SLC16A7: variants seen among roughly 807,000 people sequenced by gnomAD.
SLC16A7 encodes solute carrier family 16 member 7, also known as monocarboxylate transporter 2.
A neutral mutation model predicts 34.9 loss-of-function variants in SLC16A7; 33 were observed. That is an observed-to-expected ratio of 0.94 (90% CI 0.72 to 1.26). The LOEUF is 1.26. Ranked by LOEUF, SLC16A7 falls within the 50% of genes most tolerant of loss-of-function variation. The pLI, the probability that SLC16A7 is intolerant of heterozygous loss-of-function variation, is 0.00. For synonymous variants in SLC16A7, 201 were observed against 206.6 expected (o/e 0.97, Z 0.23); for missense variants, 573 against 578.1 (o/e 0.99, Z 0.09).
intron 2 of SLC16A7, among the ~76,000 whole-genome samples, chr12:59,659,521 G>A (rs971260203): frequency 2.0e-5 from 3 of 151,940 alleles, no homozygotes; most frequent in Non-Finnish European, 2.9e-5. Flanking sequence ...ATAATATAAT[G>A]GGTTTTGTAG....
At chr12:59,711,840 G>A (rs1363972212) in intron 3 of SLC16A7, among the ~76,000 whole-genome samples, 2 of 152,182 alleles carry the variant, frequency 1.3e-5, no homozygotes, top group African/African-American at 4.8e-5. Context: ...GGTGCCTAGA[G>A]TGGAACATAG....
chr12:59,620,119 T>C (rs558647686), intron 1 of SLC16A7, among the ~76,000 whole-genome samples: 2 of 152,054 alleles, frequency 1.3e-5, no homozygotes, highest in Admixed American at 1.3e-4. Context: ...CTGAGTTCTG[T>C]GTTGATACTG....
chr12:59,751,391 C>T (rs1394089895), intron 3 of SLC16A7, among the ~76,000 whole-genome samples: 1 of 152,224 alleles, frequency 6.6e-6, no homozygotes, highest in Non-Finnish European at 1.5e-5. Flanking sequence ...AATCGGGTCA[C>T]TCCCACCCCA....
chr12:59,702,123 T>C (rs1473490328), intron 2 of SLC16A7, among the ~76,000 whole-genome samples: 2 of 151,890 alleles, frequency 1.3e-5, no homozygotes, highest in Non-Finnish European at 2.9e-5. Flanking sequence ...CTTTAAAATA[T>C]AGTAATAAAA....
intron 2 of SLC16A7, among the ~76,000 whole-genome samples, chr12:59,657,726 C>A (rs139296616): frequency 2.6e-4 from 40 of 151,980 alleles, no homozygotes; most frequent in African/African-American, 9.2e-4. Flanking sequence ...TTAATTAATT[C>A]GACCAACATG....
At chr12:59,648,214 C>T (rs1279092075) in intron 1 of SLC16A7, among the ~76,000 whole-genome samples, 1 of 152,050 alleles carries the variant, frequency 6.6e-6, no homozygotes, top group African/African-American at 2.4e-5. Flanking sequence ...GCCTTGGGGT[C>T]CTGCTGAAAT....
intron 3 of SLC16A7, among the ~76,000 whole-genome samples, chr12:59,751,625 C>T (rs1879575686): frequency 6.6e-6 from 1 of 152,210 alleles, no homozygotes; most frequent in South Asian, 2.1e-4. Context: ...TGGAGCCCAC[C>T]ACAGCTCAAG....
rs1254062340 is a variant in SLC16A7 at position 59,788,377 on chromosome 12, TGTA to T, written c.*8701_*8703del. On this transcript the variant is annotated 3_prime_UTR_variant, in exon 6 of 6. Transcript: ENST00000547379. Reference sequence around the variant, plus strand: ...TGATTTTTAAGTGAAAAAAATAAAATGTAGTTGTCTTGTTTATTCTATAGATAT... The same window carrying T: ...TGATTTTTAAGTGAAAAAAATAAAATGTTGTCTTGTTTATTCTATAGATAT... 6.6e-6 allele frequency: 1 copy of T among 152,022 alleles called. No individual in the cohort carries two copies. The highest frequency in any genetic ancestry group is 1.5e-5 in the Non-Finnish European group (1 of 67,978). 9.4% of individuals were successfully genotyped at this position (152,022 alleles called of 1,614,324 possible). A position where few individuals can be genotyped will look rare whatever the true frequency, so the allele number is the denominator to read the frequency against.
intron 1 of SLC16A7, among the ~76,000 whole-genome samples, chr12:59,650,606 A>T (rs755673509): frequency 6.6e-6 from 1 of 152,202 alleles, no homozygotes; most frequent in Non-Finnish European, 1.5e-5. Context: ...CTATGAGGTC[A>T]TACTTATACT....
intron 1 of SLC16A7, among the ~76,000 whole-genome samples, chr12:59,626,228 A>G (rs1163652913): frequency 1.4e-5 from 2 of 145,682 alleles, no homozygotes; most frequent in African/African-American, 5.0e-5. Flanking sequence ...TCCTCCTTTT[A>G]AGTCCCTGAG....
At chr12:59,603,956 A>G (rs1878813257) in intron 1 of SLC16A7, among the ~76,000 whole-genome samples, 1 of 152,208 alleles carries the variant, frequency 6.6e-6, no homozygotes, top group Admixed American at 6.5e-5. Context: ...TCCTGGGGCC[A>G]CATGAAATGA....
intron 3 of SLC16A7, among the ~76,000 whole-genome samples, chr12:59,717,545 A>G (rs10506398): frequency 0.27 from 41,501 of 152,024 alleles, 5,913 homozygotes; most frequent in East Asian, 0.36. Context: ...GGTATTCCTT[A>G]AATCGAACAT....
chr12:59,711,377 A>G (rs1180709842), intron 3 of SLC16A7, among the ~76,000 whole-genome samples: 5 of 152,222 alleles, frequency 3.3e-5, no homozygotes. Context: ...TTTTGCATGT[A>G]GATACTTTAT....
In SLC16A7 at chr12:59,779,488, G is replaced by T; in HGVS notation, c.1246G>T (p.Ala416Ser). The T allele has an allele frequency of 6.2e-7, 1 of 1,612,410 alleles. No homozygotes were observed. The change falls in exon 6 of 6, where the codon GCA (alanine) becomes TCA (serine). Residue 416 changes from alanine to serine, a missense_variant. Coordinates refer to ENST00000547379, the MANE Select transcript of SLC16A7 (RefSeq NM_001270623.2). ...MYMSCGAIVV[A>S]ASVWLLIGNA... is the part of the protein sequence containing the mutation. ...CATGTCCTGTGGGGCTATTGTGGTA[G>T]CAGCAAGCGTGTGGCTGCTCATTGG...
At chr12:59,630,510 AAC>A (rs1461925570) in intron 1 of SLC16A7, among the ~76,000 whole-genome samples, 1 of 151,854 alleles carries the variant, frequency 6.6e-6, no homozygotes, top group East Asian at 1.9e-4. Context: ...TATTGAATGA[AAC>A]ACATACAGAA....
At chr12:59,760,419 C>G (rs1565703926) in intron 3 of SLC16A7, among the ~76,000 whole-genome samples, 1 of 152,072 alleles carries the variant, frequency 6.6e-6, no homozygotes, top group Admixed American at 6.6e-5. Context: ...ATTCAGTAAT[C>G]TCTCCTTATC....
chr12:59,603,879 T>C (rs1248517589), intron 1 of SLC16A7, among the ~76,000 whole-genome samples: 1 of 152,262 alleles, frequency 6.6e-6, no homozygotes, highest in Non-Finnish European at 1.5e-5. Flanking sequence ...AGGCAGACTG[T>C]TCTTTTAAAG....
intron 3 of SLC16A7, among the ~76,000 whole-genome samples, chr12:59,764,834 T>C (rs1188874303): frequency 1.3e-5 from 2 of 152,156 alleles, no homozygotes; most frequent in African/African-American, 4.8e-5. Flanking sequence ...TTATAATCCT[T>C]TGGGTATATA....
chr12:59,653,069 A>G (rs1031215038), intron 1 of SLC16A7, among the ~76,000 whole-genome samples: 2 of 151,896 alleles, frequency 1.3e-5, no homozygotes. Context: ...CCACAAACAT[A>G]TAACTTTTAA....
Sources: allele counts gnomAD v4.1 joint callset (sites outside exome capture counted in the v4.1 genomes callset), GRCh38; gene constraint gnomAD v4.1.1; transcripts MANE v1.5; gene names NCBI Gene and HGNC (gene_info 2026-07-23, HGNC 2026-07-21).